Variants in CGN observed in about 807,000 individuals in gnomAD.
CGN encodes the protein cingulin.
In CGN, 121 loss-of-function variants were observed where a neutral mutation model predicts 157.1. The observed-to-expected ratio is 0.77, with a 90% CI of 0.66 to 0.90. The LOEUF (loss-of-function observed/expected upper bound fraction) is 0.90. Among genes scored for constraint, CGN ranks in the 40% least tolerant of loss-of-function variants. CGN has a pLI of 0.00. For missense variants in CGN, 1,424 were observed against 1,520.9 expected, an observed-to-expected ratio of 0.94 and a Z score of 1.06; for synonymous variants, 535 against 607.5, an observed-to-expected ratio of 0.88 and a Z score of 1.76.
At chr1:151,528,660 A>G (rs1046369284) in intron 10 of CGN, among the ~76,000 whole-genome samples, 1 of 151,406 alleles carries the variant, frequency 6.6e-6, no homozygotes, top group Admixed American at 6.6e-5. Flanking sequence ...CAGGTGATCC[A>G]CCCGCCTCAG....
At position 151,524,626 on chromosome 1, in the gene CGN, T is replaced by C. The variant is rs1431711815; in HGVS notation, c.1402-48T>C. On this transcript the variant is annotated intron_variant, in intron 7 of 20. Coordinates refer to ENST00000271636, the MANE Select transcript of CGN (RefSeq NM_020770.3). The surrounding 1 kb of genome is among the most constrained non-coding windows in gnomAD (Gnocchi z 4.4). The stretch of plus-strand genomic sequence containing the variant: ...TTGACTCAGTGAATTGATAAACAGA[T>C]GGATTCTAATATGGTCACCCCTGTA... The C allele has an allele frequency of 6.1e-6, 9 of 1,480,672 alleles. No homozygotes were observed. Among genetic ancestry groups the C allele is most frequent in the Non-Finnish European group, 8.3e-6 (9 of 1,084,626 alleles). 91.7% of individuals were successfully genotyped at this position (1,480,672 alleles called of 1,614,324 possible).
intron 1 of CGN, among the ~76,000 whole-genome samples, chr1:151,516,028 T>C (rs938947241): frequency 1.3e-5 from 2 of 152,224 alleles, no homozygotes; most frequent in Non-Finnish European, 2.9e-5. Flanking sequence ...GAACAATTCC[T>C]AATAAAGGGC....
intron 10 of CGN, chr1:151,527,934 C>CTATATATATA (rs754988918): frequency 8.9e-5 from 15 of 168,094 alleles, no homozygotes; most frequent in African/African-American, 4.2e-4. Flanking sequence ...CATGGCCACA[C>CTATATATATA]TATATATATA....
intron 20 of CGN, 83 bp downstream of exon 20, chr1:151,536,976 G>T: frequency 6.9e-7 from 1 of 1,456,688 alleles, no homozygotes; most frequent in Non-Finnish European, 9.3e-7. Flanking sequence ...ATAAGGAGGA[G>T]AATCTCTAAC....
intron 17 of CGN, 29 bp downstream of exon 17, chr1:151,535,712 A>T (rs777822044): frequency 6.2e-7 from 1 of 1,610,326 alleles, no homozygotes; most frequent in Non-Finnish European, 8.5e-7. Context: ...ATTCTTAGGG[A>T]TGGACCCCAG....
intron 15 of CGN, 80 bp downstream of exon 15, chr1:151,534,216 G>A: frequency 7.6e-7 from 1 of 1,324,476 alleles, no homozygotes; most frequent in Non-Finnish European, 1.0e-6. Flanking sequence ...AAAACCGACA[G>A]CCCACAGTTG....
At chr1:151,536,636 C>T (rs909296411) in intron 19 of CGN, 94 bp from the exon 20 acceptor site, 55 of 1,320,440 alleles carry the variant, frequency 4.2e-5, no homozygotes, top group Middle Eastern at 1.9e-4. Context: ...ATTTTTCCAG[C>T]GGCAATTATA....
intron 1 of CGN, among the ~76,000 whole-genome samples, chr1:151,512,759 C>G (rs1317629052): frequency 6.6e-6 from 1 of 152,234 alleles, no homozygotes; most frequent in South Asian, 2.1e-4. Flanking sequence ...GCCTATGCAT[C>G]TCTTCTTTCA....
At chr1:151,520,136 T>C in intron 2 of CGN, 30 bp from the exon 3 acceptor site, 1 of 1,534,132 alleles carries the variant, frequency 6.5e-7, no homozygotes, top group Non-Finnish European at 8.9e-7. Context: ...CTTTCTTTCT[T>C]TTTTTTTTCT....
At chr1:151,534,771 A>G in intron 15 of CGN, 1 of 407,974 alleles carries the variant, frequency 2.5e-6, no homozygotes, top group Non-Finnish European at 4.5e-6. Context: ...TTAGAGAAAT[A>G]AGGTTTTCCA....
In CGN at chr1:151,520,278, C is replaced by A. The variant is rs1444537292; in HGVS notation, c.974+12C>A. ...ATCCTGAGGGAGGGGTGAGTGGGGG[C>A]CCCCCCAACAACAGAGGCATACCCC... On this transcript the variant is annotated intron_variant, in intron 3 of 20. Coordinates refer to ENST00000271636, the MANE Select transcript of CGN (RefSeq NM_020770.3). 1.9e-6 allele frequency: 3 copies of A among 1,596,262 alleles called. No homozygotes were observed. The highest frequency in any genetic ancestry group is 1.3e-5 in the African/African-American group (1 of 74,448).
Position 151,524,472 on chromosome 1 carries a change from A to G in CGN, c.1401+114A>G. Reference sequence around the variant, plus strand: ...GAGGAGTGGGTGGCTGATTACAGGTACTCAGTGTGCTTTCAGGTAGATTCA... The same window carrying G: ...GAGGAGTGGGTGGCTGATTACAGGTGCTCAGTGTGCTTTCAGGTAGATTCA... On this transcript the variant is annotated intron_variant, in intron 7 of 20. Transcript: ENST00000271636. The surrounding 1 kb of genome is among the most constrained non-coding windows in gnomAD (Gnocchi z 4.4). 5 of 1,469,798 alleles carry G rather than the reference A, an allele frequency of 3.4e-6. No individual in the cohort carries two copies. The highest frequency in any genetic ancestry group is 4.6e-6 in the Non-Finnish European group (5 of 1,077,644). The allele number at this position is 1,469,798 out of a possible 1,614,324, so 91.0% of individuals were successfully genotyped here.
intron 16 of CGN, 100 bp downstream of exon 16, chr1:151,535,231 C>A: frequency 2.1e-6 from 2 of 938,678 alleles, no homozygotes; most frequent in Middle Eastern, 3.1e-4. Flanking sequence ...CATCTGGCTG[C>A]CGAATCTGTG....
chr1:151,529,805 T>C (rs1664788064), intron 11 of CGN, 104 bp from the exon 12 acceptor site: 1 of 1,093,520 alleles, frequency 9.1e-7, no homozygotes. Flanking sequence ...TCTTATGGGC[T>C]GTCTTTGGGA....
rs746440232 is a variant in CGN at position 151,537,186 on chromosome 1, ATTC to A, written c.3471-14_3471-12del. On this transcript the variant is annotated splice_polypyrimidine_tract_variant and intron_variant, in intron 20 of 20. Transcript: ENST00000271636. ...TTCTATTTTCCCCTCCCCAACCATT[ATTC>A]TTCTCTCTGAGTCAGGCGCAAAGCT... 6 of 1,605,986 alleles carry A rather than the reference ATTC, an allele frequency of 3.7e-6. No individual in the cohort carries two copies. Among genetic ancestry groups the A allele is most frequent in the East Asian group, 2.2e-5 (1 of 44,742 alleles).
intron 9 of CGN, 104 bp downstream of exon 9, chr1:151,525,894 C>T (rs1316723254): frequency 1.2e-5 from 10 of 816,954 alleles, no homozygotes; most frequent in Non-Finnish European, 1.6e-5. Context: ...TTTTTTGGGA[C>T]AGAGTTTCGC....
At chr1:151,526,835 G>A (rs1664691823) in intron 9 of CGN, 140 bp from the exon 10 acceptor site, 7 of 881,578 alleles carry the variant, frequency 7.9e-6, no homozygotes, top group Non-Finnish European at 1.2e-5. Context: ...TCTTTTCCAC[G>A]TTCACCTTCC....
intron 12 of CGN, 21 bp from the exon 13 acceptor site, chr1:151,530,468 C>T: frequency 6.5e-7 from 1 of 1,543,986 alleles, no homozygotes; most frequent in South Asian, 1.3e-5. Flanking sequence ...CTCAGTCCAA[C>T]CCTGCTTCCC....
At chr1:151,529,867 A>G in intron 11 of CGN, 42 bp from the exon 12 acceptor site, 1 of 1,578,716 alleles carries the variant, frequency 6.3e-7, no homozygotes, top group Non-Finnish European at 8.7e-7. Context: ...CTGAGCTGCC[A>G]CGCCCTGGGG....
Sources: allele counts gnomAD v4.1 joint callset (sites outside exome capture counted in the v4.1 genomes callset), GRCh38; gene constraint gnomAD v4.1.1; non-coding constraint Gnocchi (gnomAD v3.1); transcripts MANE v1.5; gene names NCBI Gene and HGNC (gene_info 2026-07-23, HGNC 2026-07-21).